The following HRH4 variants were observed in gnomAD, a reference collection of about 807,000 sequenced individuals.
The protein encoded by HRH4 is histamine receptor H4, also known as histamine H4 receptor.
HRH4 carries 12 observed loss-of-function variants against 10.4 expected under a neutral mutation model. The observed-to-expected ratio is 1.15, with a 90% CI of 0.74 to 1.87. The LOEUF (loss-of-function observed/expected upper bound fraction) is 1.87. Among genes scored for constraint, HRH4 ranks in the 40% most tolerant of loss-of-function variants. The probability of loss-of-function intolerance (pLI) is 0.00; values close to 1 mark genes in which losing one functional copy is unlikely to be tolerated. For synonymous variants in HRH4, 154 were observed against 166.6 expected (o/e 0.92, Z 0.58); for missense variants, 415 against 453.3 (o/e 0.92, Z 0.77).
rs1443469214 is a variant in HRH4 at position 24,478,904 on chromosome 18, T to C, written c.*1342T>C. The C allele has an allele frequency of 6.6e-6, 1 of 151,688 alleles. No individual in the cohort carries two copies. Among genetic ancestry groups the C allele is most frequent in the East Asian group, 1.9e-4 (1 of 5,164 alleles). 9.4% of individuals were successfully genotyped at this position (151,688 alleles called of 1,614,324 possible). ...TGCCCAGCCTGGGTGTCAATAATTA[T>C]TTTTTAAAAAAAATTTTTAAAAAGG... On this transcript the variant is annotated 3_prime_UTR_variant, in exon 3 of 3. Transcript: ENST00000256906.
intron 1 of HRH4, among the ~76,000 whole-genome samples, chr18:24,461,764 C>CTTT (rs34478102): frequency 1.8e-3 from 247 of 140,998 alleles, no homozygotes; most frequent in African/African-American, 5.8e-3. Flanking sequence ...TGTTAGTTCT[C>CTTT]TTTTTTTTTT....
chr18:24,463,033 C>T (rs996113490), intron 1 of HRH4, among the ~76,000 whole-genome samples: 3 of 152,124 alleles, frequency 2.0e-5, no homozygotes, highest in African/African-American at 7.2e-5. Context: ...CTGACTGCCC[C>T]AGTTTTAGGG....
Position 24,476,944 on chromosome 18 carries a change from C to T in HRH4, c.555C>T (p.Ile185=), listed in dbSNP as rs1433609880. The stretch of plus-strand genomic sequence containing the variant: ...TCACATCATTCTTGGAATTCGTGAT[C>T]CCAGTCATCTTAGTCGCTTATTTCA... The part of the protein sequence containing the change: ...LAITSFLEFV[I]PVILVAYFNM... The change falls in exon 3 of 3, where the codon ATC becomes ATT. Residue 185 remains isoleucine (I), a synonymous_variant. Transcript: ENST00000256906. The T allele has an allele frequency of 6.2e-7, 1 of 1,614,132 alleles. No homozygotes were observed. The highest frequency in any genetic ancestry group is 1.1e-5 in the South Asian group (1 of 91,072).
chr18:24,478,994 T>G lies in HRH4; in HGVS notation c.*1432T>G, dbSNP rs1276803969. ...GTGCAGTAGCATGATCAGGGATCAC[T>G]GCAACCTCTGCCTCCTGGGTTCAAG... On this transcript the variant is annotated 3_prime_UTR_variant, in exon 3 of 3. Coordinates refer to ENST00000256906, the MANE Select transcript of HRH4 (RefSeq NM_021624.4). The G allele has an allele frequency of 6.6e-6, 1 of 152,274 alleles. No individual in the cohort carries two copies. The highest frequency in any genetic ancestry group is 2.4e-5 in the African/African-American group (1 of 41,464). The allele number at this position is 152,274 out of a possible 1,614,324, so 9.4% of individuals were successfully genotyped here.
At chr18:24,464,069 G>C (rs1909711482) in intron 1 of HRH4, among the ~76,000 whole-genome samples, 1 of 152,168 alleles carries the variant, frequency 6.6e-6, no homozygotes, top group Non-Finnish European at 1.5e-5. Flanking sequence ...CAGGATGGCA[G>C]AATTTATCTT....
intron 2 of HRH4, among the ~76,000 whole-genome samples, chr18:24,471,145 A>G (rs1006557511): frequency 2.0e-4 from 30 of 152,104 alleles, no homozygotes; most frequent in African/African-American, 7.0e-4. Flanking sequence ...GCCAGGGACC[A>G]CTGCAGTTTG....
chr18:24,467,489 C>A (rs947632192), intron 1 of HRH4, among the ~76,000 whole-genome samples: 1 of 152,144 alleles, frequency 6.6e-6, no homozygotes, highest in Non-Finnish European at 1.5e-5. Context: ...TGGAGGAGGT[C>A]ACTTTTTGGC....
chr18:24,465,945 G>A (rs952364720), intron 1 of HRH4, among the ~76,000 whole-genome samples: 4 of 152,142 alleles, frequency 2.6e-5, no homozygotes, highest in African/African-American at 9.6e-5. Context: ...TGCATTACTA[G>A]TATCTCTCTT....
Position 24,478,449 on chromosome 18 carries a change from C to G in HRH4, c.*887C>G. 1 of 152,364 alleles carries G rather than the reference C, an allele frequency of 6.6e-6. No individual in the cohort carries two copies. Among genetic ancestry groups the G allele is most frequent in the Non-Finnish European group, 1.5e-5 (1 of 68,204 alleles). 9.4% of individuals were successfully genotyped at this position (152,364 alleles called of 1,614,324 possible). On this transcript the variant is annotated 3_prime_UTR_variant, in exon 3 of 3. Transcript: ENST00000256906. ...TGGTGGCTCACGCCTGAAATCCCAGCACTTTGGGAGGCCAAGGTGGGCGGA... is the reference window on the plus strand; with the variant it reads ...TGGTGGCTCACGCCTGAAATCCCAGGACTTTGGGAGGCCAAGGTGGGCGGA...
chr18:24,472,682 C>T (rs1005809118), intron 2 of HRH4, among the ~76,000 whole-genome samples: 2 of 151,980 alleles, frequency 1.3e-5, no homozygotes, highest in African/African-American at 4.8e-5. Context: ...GGATGGGTGG[C>T]CTGGGAAATG....
chr18:24,466,599 A>G (rs540632942), intron 1 of HRH4, among the ~76,000 whole-genome samples: 306 of 152,268 alleles, frequency 2.0e-3, no homozygotes, highest in Non-Finnish European at 3.6e-3. Context: ...GTACCTAGGG[A>G]CAGAATACTA....
At position 24,477,216 on chromosome 18, in the gene HRH4, T is replaced by G. The variant is rs764288864; in HGVS notation, c.827T>G (p.Met276Arg). ...KMNSNTIASKMGSFSQSDSVA... is the reference protein window; with the variant it reads ...KMNSNTIASKRGSFSQSDSVA... The stretch of plus-strand genomic sequence containing the variant: ...AATAGCAATACAATTGCTTCCAAAA[T>G]GGGTTCCTTCTCCCAATCAGATTCT... Residue 276 changes from methionine (M) to arginine (R), a missense_variant, in exon 3 of 3, where the codon ATG becomes AGG. By Grantham distance (91) the Met-to-Arg change is moderately conservative. Coordinates refer to ENST00000256906, the MANE Select transcript of HRH4 (RefSeq NM_021624.4). 50 of 1,614,052 alleles carry G rather than the reference T, an allele frequency of 3.1e-5. No individual in the cohort carries two copies. Among genetic ancestry groups the G allele is most frequent in the Non-Finnish European group, 4.2e-5 (49 of 1,180,036 alleles).
At chr18:24,461,929 G>C (rs551740284) in intron 1 of HRH4, among the ~76,000 whole-genome samples, 1 of 152,098 alleles carries the variant, frequency 6.6e-6, no homozygotes, top group Non-Finnish European at 1.5e-5. Flanking sequence ...GTAAGTTTTT[G>C]ATGTAGAAGA....
intron 2 of HRH4, among the ~76,000 whole-genome samples, chr18:24,469,590 G>C (rs1909878652): frequency 1.3e-5 from 2 of 152,122 alleles, no homozygotes; most frequent in Admixed American, 1.3e-4. Context: ...TAAGGACAAG[G>C]GGGCCATAGA....
intron 2 of HRH4, among the ~76,000 whole-genome samples, chr18:24,473,019 G>T (rs1249064561): frequency 1.3e-5 from 2 of 152,122 alleles, no homozygotes; most frequent in Non-Finnish European, 2.9e-5. Flanking sequence ...GCCAGGCTTG[G>T]TGGCGGGCGC....
chr18:24,475,436 C>T (rs1394705006), intron 2 of HRH4, among the ~76,000 whole-genome samples: 1 of 152,126 alleles, frequency 6.6e-6, no homozygotes, highest in Non-Finnish European at 1.5e-5. Context: ...CCAGCATGGA[C>T]AACATAGTGA....
At chr18:24,462,865 C>A (rs920877641) in intron 1 of HRH4, among the ~76,000 whole-genome samples, 5 of 152,188 alleles carry the variant, frequency 3.3e-5, no homozygotes, top group Non-Finnish European at 1.5e-5. Flanking sequence ...TAAACATGTA[C>A]AAATACACGA....
intron 2 of HRH4, among the ~76,000 whole-genome samples, chr18:24,473,283 C>T (rs1480840408): frequency 2.0e-5 from 3 of 152,132 alleles, no homozygotes; most frequent in Non-Finnish European, 4.4e-5. Flanking sequence ...TGGGAGGACA[C>T]GCTGGGGCAT....
At chr18:24,469,855 G>T (rs769694300) in intron 2 of HRH4, among the ~76,000 whole-genome samples, 2 of 152,134 alleles carry the variant, frequency 1.3e-5, no homozygotes, top group African/African-American at 4.8e-5. Context: ...GGATTATTTT[G>T]TCACCCGGGG....
Sources: allele counts gnomAD v4.1 joint callset (sites outside exome capture counted in the v4.1 genomes callset), GRCh38; gene constraint gnomAD v4.1.1; transcripts MANE v1.5; gene names NCBI Gene and HGNC (gene_info 2026-07-23, HGNC 2026-07-21).